The following TUSC3 variants were observed in gnomAD, a reference collection of about 807,000 sequenced individuals.
TUSC3 encodes tumor suppressor candidate 3, also known as dolichyl-diphosphooligosaccharide--protein glycosyltransferase subunit TUSC3.
TUSC3 carries 45 observed loss-of-function variants against 44.8 expected under a neutral mutation model. The observed-to-expected ratio is 1.00, with a 90% confidence interval of 0.79 to 1.29. The LOEUF is 1.29. TUSC3 is among the 50% of genes most tolerant of loss of function. The probability of loss-of-function intolerance (pLI) is 0.00; values close to 1 mark genes in which losing one functional copy is unlikely to be tolerated. For synonymous variants in TUSC3, 212 were observed against 152.9 expected, an observed-to-expected ratio of 1.39 and a Z score of -2.85; for missense variants, 519 against 437.9, an observed-to-expected ratio of 1.19 and a Z score of -1.65.
intron 2 of TUSC3, among the ~76,000 whole-genome samples, chr8:15,517,397 A>G (rs971471898): frequency 5.9e-5 from 9 of 151,994 alleles, no homozygotes; most frequent in African/African-American, 2.2e-4. Context: ...TTACACACAC[A>G]GACTTACAAA....
At chr8:15,644,921 A>C (rs1182193714) in intron 2 of TUSC3, among the ~76,000 whole-genome samples, 1 of 152,076 alleles carries the variant, frequency 6.6e-6, no homozygotes. Context: ...GCTTCTGTGG[A>C]ATTCTTTATT....
intron 1 of TUSC3, among the ~76,000 whole-genome samples, chr8:15,456,519 C>A (rs73191178): frequency 6.6e-6 from 1 of 151,654 alleles, no homozygotes; most frequent in African/African-American, 2.4e-5. Context: ...GGAGCTGTTA[C>A]GAAGTTAAAC....
chr8:15,664,595 A>G (rs1042413268), intron 5 of TUSC3, among the ~76,000 whole-genome samples: 6 of 149,606 alleles, frequency 4.0e-5, no homozygotes, highest in Admixed American at 6.7e-5. Context: ...TTAGAAGTCA[A>G]TAAAAGGCTG....
intron 2 of TUSC3, among the ~76,000 whole-genome samples, chr8:15,626,008 C>A (rs1319943394): frequency 6.6e-6 from 1 of 152,188 alleles, no homozygotes; most frequent in Non-Finnish European, 1.5e-5. Flanking sequence ...CCGAAGAGGC[C>A]ACTGCTATAG....
At chr8:15,578,929 G>T (rs1030223945) in intron 1 of TUSC3, among the ~76,000 whole-genome samples, 2 of 152,140 alleles carry the variant, frequency 1.3e-5, no homozygotes, top group African/African-American at 4.8e-5. Context: ...GAATTCAGCT[G>T]TGAATCCATC....
intron 1 of TUSC3, among the ~76,000 whole-genome samples, chr8:15,460,401 G>A (rs76803638): frequency 0.017 from 2,583 of 151,774 alleles, 78 homozygotes; most frequent in African/African-American, 0.059. Context: ...TTTTTTTATC[G>A]CTGATTTAAG....
At chr8:15,758,725 G>C (rs560897724) in intron 10 of TUSC3, among the ~76,000 whole-genome samples, 1 of 152,050 alleles carries the variant, frequency 6.6e-6, no homozygotes, top group African/African-American at 2.4e-5. Context: ...TCTCCCCCCA[G>C]ATTGACTATC....
chr8:15,665,209 A>G (rs2129180980), intron 5 of TUSC3, among the ~76,000 whole-genome samples: 1 of 151,676 alleles, frequency 6.6e-6, no homozygotes, highest in East Asian at 1.9e-4. Flanking sequence ...AAAGCTCTTA[A>G]AATAAAACAG....
At chr8:15,639,451 G>C (rs1422706979) in intron 2 of TUSC3, among the ~76,000 whole-genome samples, 5 of 152,178 alleles carry the variant, frequency 3.3e-5, no homozygotes, top group East Asian at 1.9e-4. Flanking sequence ...CAGGAGTAAA[G>C]ATCATACAAA....
chr8:15,665,546 A>C (rs1440869476), intron 5 of TUSC3, among the ~76,000 whole-genome samples: 1 of 150,878 alleles, frequency 6.6e-6, no homozygotes, highest in Non-Finnish European at 1.5e-5. Context: ...ATGCTGAGGG[A>C]GTGGAAGTTA....
chr8:15,675,609 C>G (rs186210677), intron 6 of TUSC3, among the ~76,000 whole-genome samples: 2 of 152,032 alleles, frequency 1.3e-5, no homozygotes, highest in East Asian at 1.9e-4. Flanking sequence ...CTCCTCTACC[C>G]TCTAATAGGC....
Position 15,540,417 on chromosome 8 carries a change from A to G in TUSC3, c.-14A>G. 1.3e-6 allele frequency: 2 copies of G among 1,569,850 alleles called. No homozygotes were observed. Among genetic ancestry groups the G allele is most frequent in the South Asian group, 2.3e-5 (2 of 86,562 alleles). On this transcript the variant is annotated 5_prime_UTR_variant, in exon 1 of 11. Transcript: ENST00000503731. ...CACGGCTACCGCGCGTGGAGGAGAC[A>G]CTGCCCTGCCGCGATGGGGGCCCGG...
the TUSC3 span, among the ~76,000 whole-genome samples, chr8:15,773,722 T>C: frequency 2.0e-5 from 3 of 152,244 alleles, no homozygotes; most frequent in Non-Finnish European, 2.9e-5. Flanking sequence ...GTACCAAACA[T>C]AGGCACTAGT....
At chr8:15,846,837 C>A in the TUSC3 span, among the ~76,000 whole-genome samples, 2 of 149,286 alleles carry the variant, frequency 1.3e-5, no homozygotes, top group African/African-American at 2.5e-5. Context: ...CCTGCATGTT[C>A]TGCACATATA....
intron 1 of TUSC3, among the ~76,000 whole-genome samples, chr8:15,556,466 G>A (rs984031203): frequency 6.6e-6 from 1 of 151,454 alleles, no homozygotes; most frequent in African/African-American, 2.4e-5. Context: ...GTAAACATAC[G>A]TGTGCATGTG....
intron 2 of TUSC3, among the ~76,000 whole-genome samples, chr8:15,648,926 G>A (rs2129174866): frequency 6.6e-6 from 1 of 151,876 alleles, no homozygotes; most frequent in Admixed American, 6.6e-5. Context: ...TAATGAAAAT[G>A]AAAATGAACT....
At chr8:15,572,534 T>C (rs1018663641) in intron 1 of TUSC3, among the ~76,000 whole-genome samples, 1 of 152,172 alleles carries the variant, frequency 6.6e-6, no homozygotes, top group Non-Finnish European at 1.5e-5. Flanking sequence ...AGTAGCACTT[T>C]AAATTTCCTT....
intron 1 of TUSC3, among the ~76,000 whole-genome samples, chr8:15,588,049 G>C (rs1209454016): frequency 6.6e-6 from 1 of 152,082 alleles, no homozygotes; most frequent in Non-Finnish European, 1.5e-5. Context: ...TTAATATACT[G>C]ACTTCCTTTC....
intron 1 of TUSC3, among the ~76,000 whole-genome samples, chr8:15,621,847 G>A (rs1178576821): frequency 6.6e-6 from 1 of 150,588 alleles, no homozygotes; most frequent in East Asian, 1.9e-4. Flanking sequence ...ATGCATGCAT[G>A]TCTGAATGTT....
Sources: allele counts gnomAD v4.1 joint callset (sites outside exome capture counted in the v4.1 genomes callset), GRCh38; gene constraint gnomAD v4.1.1; transcripts MANE v1.5; gene names NCBI Gene and HGNC (gene_info 2026-07-23, HGNC 2026-07-21).